ZNF497: variants seen among roughly 807,000 people sequenced by gnomAD.
The protein encoded by ZNF497 is zinc finger protein 497, also known as zinc finger-like protein.
For missense variants in ZNF497, 930 were observed against 714.0 expected, an observed-to-expected ratio of 1.30 and a Z score of -3.45; for synonymous variants, 422 against 313.7, an observed-to-expected ratio of 1.35 and a Z score of -3.65.
rs2052043756 is a variant in ZNF497 at position 58,357,625 on chromosome 19, G to A, written c.11C>T (p.Pro4Leu). The change falls in exon 3 of 3, where the codon CCA becomes CTA. Residue 4 changes from proline to leucine, a missense_variant. Pro to Leu is a moderately conservative substitution (Grantham distance 98). Transcript: ENST00000311044. Reference sequence around the variant, plus strand: ...GGCCACCTGCAGGGTCCACCCTCTTGGGGACTCCATCTCGCGCCTGTGACC... The same window carrying A: ...GGCCACCTGCAGGGTCCACCCTCTTAGGGACTCCATCTCGCGCCTGTGACC... MESPRGWTLQVAPE... is the reference protein window; with the variant it reads MESLRGWTLQVAPE... The A allele has an allele frequency of 6.5e-7, 1 of 1,526,840 alleles. No homozygotes were observed. Among genetic ancestry groups the A allele is most frequent in the Admixed American group, 2.2e-5 (1 of 44,858 alleles). 94.6% of individuals were successfully genotyped at this position (1,526,840 alleles called of 1,614,324 possible).
intron 2 of ZNF497, chr19:58,358,179 C>T: frequency 7.8e-7 from 1 of 1,289,954 alleles, no homozygotes; most frequent in South Asian, 1.2e-5. Context: ...GCAGCATGTC[C>T]AGGCTGGAGG....
intron 2 of ZNF497, chr19:58,357,953 TG>T: frequency 7.6e-7 from 1 of 1,320,128 alleles, no homozygotes; most frequent in Non-Finnish European, 9.7e-7. Context: ...CCCACGCACC[TG>T]CACTGGCCCT....
intron 1 of ZNF497, chr19:58,359,176 C>G: frequency 7.7e-7 from 1 of 1,291,100 alleles, no homozygotes. Context: ...GGCCAGGGCT[C>G]TTGGAGCTGG....
At chr19:58,362,573 G>C (rs1303912899) in intron 1 of ZNF497, 104 bp downstream of exon 1, 1 of 115,776 alleles carries the variant, frequency 8.6e-6, no homozygotes, top group African/African-American at 3.3e-5. Flanking sequence ...GGTCCCAGAG[G>C]GCCCAGCTCA....
At chr19:58,358,727 G>A in intron 1 of ZNF497, 142 bp from the exon 2 acceptor site, 1 of 468,022 alleles carries the variant, frequency 2.1e-6, no homozygotes, top group Non-Finnish European at 4.2e-6. Context: ...GGTGTGGACT[G>A]GAGATCTCTG....
intron 2 of ZNF497, 93 bp from the exon 3 acceptor site, chr19:58,357,742 T>A (rs1286090936): frequency 2.6e-5 from 34 of 1,292,906 alleles, no homozygotes; most frequent in Non-Finnish European, 3.2e-5. Context: ...TGGGCTGTCA[T>A]CCCCCACTCT....
In ZNF497 at chr19:58,356,288, C is replaced by T. The variant is rs767303777; in HGVS notation, c.1348G>A (p.Ala450Thr). Residue 450 changes from alanine to threonine, a missense_variant, in exon 3 of 3, where the codon GCC becomes ACC. By Grantham distance (58) the Ala-to-Thr change is moderately conservative. Transcript: ENST00000311044. ...RPFVCAHCSK[A>T]FVRKSELLSH... is the part of the protein sequence containing the mutation. ...AAGAGCTCCGACTTGCGCACGAAGG[C>T]CTTGCTGCAGTGGGCGCAGACGAAC... 1.0e-5 allele frequency: 16 copies of T among 1,594,996 alleles called. No individual in the cohort carries two copies. In the African/African-American group the frequency reaches 1.9e-4, roughly 19 times the overall value.
chr19:58,361,607 T>G (rs2052094840), intron 1 of ZNF497, among the ~76,000 whole-genome samples: 1 of 152,192 alleles, frequency 6.6e-6, no homozygotes, highest in African/African-American at 2.4e-5. Context: ...TCCACCCGCC[T>G]TGGCCTCCCA....
chr19:58,359,406 G>A (rs1445137444), intron 1 of ZNF497: 1 of 507,650 alleles, frequency 2.0e-6, no homozygotes, highest in Non-Finnish European at 3.7e-6. Context: ...GAGTAAAAAT[G>A]GAAGAATGGG....
At chr19:58,359,021 A>G (rs796840521) in intron 1 of ZNF497, 4 of 512,896 alleles carry the variant, frequency 7.8e-6, no homozygotes, top group African/African-American at 3.9e-5. Flanking sequence ...CAGTGTGCCC[A>G]ATAACTGCTC....
intron 1 of ZNF497, among the ~76,000 whole-genome samples, chr19:58,360,973 G>A (rs1370854981): frequency 2.0e-5 from 3 of 151,714 alleles, no homozygotes; most frequent in African/African-American, 7.3e-5. Flanking sequence ...TGGTAGAGCC[G>A]GGGTTTCACC....
rs2052006149 is a variant in ZNF497, at chr19:58,355,397, G to C, written c.*742C>G. The C allele has an allele frequency of 6.6e-6, 1 of 152,134 alleles. No individual in the cohort carries two copies. Among genetic ancestry groups the C allele is most frequent in the African/African-American group, 2.4e-5 (1 of 41,396 alleles). The allele number at this position is 152,134 out of a possible 1,614,324, so 9.4% of individuals were successfully genotyped here. On this transcript the variant is annotated 3_prime_UTR_variant, in exon 3 of 3. Coordinates refer to ENST00000311044, the MANE Select transcript of ZNF497 (RefSeq NM_198458.3). ...GTAGTGACGCAAGTCTGTCATCCCA[G>C]CTGCTTGGGAGGCTGAGGTGGGAGG...
At position 58,356,583 on chromosome 19, in the gene ZNF497, C is replaced by T; in HGVS notation, c.1053G>A (p.Val351=). ...MGSYLAEHRR[V]HTGEKPHACA... ...ACGCATGAGGCTTCTCGCCCGTGTG[C>T]ACGCGCCGGTGCTCCGCCAGGTAGG... is the stretch of plus-strand genomic sequence containing the variant. Residue 351 remains valine (V), a synonymous_variant, in exon 3 of 3, where the codon GTG becomes GTA. Coordinates refer to ENST00000311044, the MANE Select transcript of ZNF497 (RefSeq NM_198458.3). The T allele has an allele frequency of 6.5e-7, 1 of 1,547,406 alleles. No individual in the cohort carries two copies. The highest frequency in any genetic ancestry group is 1.2e-5 in the South Asian group (1 of 84,828).
At position 58,356,257 on chromosome 19, in the gene ZNF497, T is replaced by C. The variant is rs1014965625; in HGVS notation, c.1379A>G (p.His460Arg). The C allele has an allele frequency of 6.9e-6, 11 of 1,605,162 alleles. No individual in the cohort carries two copies. The highest frequency in any genetic ancestry group is 1.7e-4 in the Middle Eastern group (1 of 6,006). ...AFVRKSELLS[H>R]RRTHTGERPY... ...CCTCTCGCCCGTGTGCGTGCGCCGG[T>C]GGCTTAAGAGCTCCGACTTGCGCAC... is the stretch of plus-strand genomic sequence containing the variant. The change falls in exon 3 of 3, where the codon CAC becomes CGC. Residue 460 changes from histidine (H) to arginine (R), a missense_variant. Physicochemically the swap from His to Arg is conservative, Grantham distance 29 (BLOSUM62 0). Transcript: ENST00000311044.
chr19:58,358,211 G>A, intron 2 of ZNF497: 2 of 1,289,922 alleles, frequency 1.6e-6, no homozygotes, highest in Non-Finnish European at 2.0e-6. Context: ...TGTTACCCAG[G>A]CAATGTCCAC....
At chr19:58,357,703 A>T in intron 2 of ZNF497, 54 bp from the exon 3 acceptor site, 1 of 1,460,546 alleles carries the variant, frequency 6.8e-7, no homozygotes, top group Non-Finnish European at 9.1e-7. Context: ...AACACCAGAC[A>T]GAGGGCCTGA....
rs149715693 is a variant in ZNF497 at position 58,362,318 on chromosome 19, G to A, written c.-112+359C>T. ...AGCCTGGTGAGCTCCGAAACTACCC[G>A]GGGCTGGGGACTGATGAACGAATAA... On this transcript the variant is annotated intron_variant, in intron 1 of 2. Transcript: ENST00000311044. Among the ~76,000 whole-genome samples the A allele has an allele frequency of 2.5e-3, 382 of 152,356 alleles. 2 individuals carry two copies. Among genetic ancestry groups the A allele is most frequent in the African/African-American group, 8.4e-3 (348 of 41,578 alleles).
At chr19:58,358,633 G>T in intron 1 of ZNF497, 48 bp from the exon 2 acceptor site, 4 of 959,240 alleles carry the variant, frequency 4.2e-6, no homozygotes, top group Non-Finnish European at 5.5e-6. Flanking sequence ...CAGCCTAGCA[G>T]ATCTGAGAAA....
At chr19:58,361,593 G>A (rs1758810906) in intron 1 of ZNF497, among the ~76,000 whole-genome samples, 1 of 151,332 alleles carries the variant, frequency 6.6e-6, no homozygotes, top group South Asian at 2.1e-4. Flanking sequence ...CTGAGCTCAA[G>A]GGATCCACCC....
Sources: gnomAD v4.1 joint callset for allele counts (sites outside exome capture counted in the v4.1 genomes callset) on GRCh38, gnomAD v4.1.1 for gene constraint, MANE v1.5 for transcripts, NCBI Gene and HGNC (gene_info 2026-07-23, HGNC 2026-07-21) for gene names.